TAFA1: variants seen among roughly 807,000 people sequenced by gnomAD.
The protein encoded by TAFA1 is chemokine-like protein TAFA-1.
A neutral mutation model predicts 18.5 loss-of-function variants in TAFA1; 4 were observed. The ratio of observed to expected loss-of-function variants is 0.22; its 90% CI spans 0.11 to 0.49. The LOEUF (loss-of-function observed/expected upper bound fraction) is 0.49. TAFA1 is among the 20% of genes least tolerant of loss of function. The pLI is 0.98. For missense variants in TAFA1, 147 were observed against 169.0 expected (o/e 0.87, Z 0.72); for synonymous variants, 56 against 55.2 (o/e 1.01, Z -0.06).
intron 3 of TAFA1, among the ~76,000 whole-genome samples, chr3:68,456,912 C>T (rs2071677375): frequency 6.6e-6 from 1 of 152,084 alleles, no homozygotes; most frequent in Non-Finnish European, 1.5e-5. Flanking sequence ...TCTCTGTTTC[C>T]TAGGAACACT....
intron 2 of TAFA1, among the ~76,000 whole-genome samples, chr3:68,226,690 C>A (rs2066805116): frequency 6.6e-6 from 1 of 152,142 alleles, no homozygotes; most frequent in South Asian, 2.1e-4. Flanking sequence ...TTAAGACTCT[C>A]AACCACCCTG....
intron 2 of TAFA1, among the ~76,000 whole-genome samples, chr3:68,374,693 G>A (rs2069774098): frequency 1.3e-5 from 2 of 152,080 alleles, no homozygotes; most frequent in Non-Finnish European, 2.9e-5. Flanking sequence ...TCAGCATCAT[G>A]GTAAGCATTC....
At chr3:68,427,733 T>C (rs1041076807) in intron 3 of TAFA1, among the ~76,000 whole-genome samples, 2 of 151,866 alleles carry the variant, frequency 1.3e-5, no homozygotes, top group Non-Finnish European at 2.9e-5. Flanking sequence ...CCAAATCTCA[T>C]CTTGAATTAT....
At chr3:68,333,409 C>A (rs2106735480) in intron 2 of TAFA1, among the ~76,000 whole-genome samples, 1 of 152,266 alleles carries the variant, frequency 6.6e-6, no homozygotes, top group African/African-American at 2.4e-5. Context: ...ATTACATGTT[C>A]TCATAAGTAG....
intron 2 of TAFA1, among the ~76,000 whole-genome samples, chr3:68,318,430 C>A (rs988584422): frequency 3.3e-5 from 5 of 152,174 alleles, no homozygotes; most frequent in African/African-American, 1.2e-4. Context: ...TTAATAGAAT[C>A]ATAGATCCTT....
intron 2 of TAFA1, among the ~76,000 whole-genome samples, chr3:68,058,021 T>C (rs1171622269): frequency 6.6e-6 from 1 of 152,140 alleles, no homozygotes; most frequent in Non-Finnish European, 1.5e-5. Flanking sequence ...AACCACTAAG[T>C]TCATGGTAGT....
chr3:68,342,192 C>T (rs183899170), intron 2 of TAFA1, among the ~76,000 whole-genome samples: 1 of 152,168 alleles, frequency 6.6e-6, no homozygotes, highest in Non-Finnish European at 1.5e-5. Context: ...ATACCCCTGT[C>T]CTCCAAAGCC....
At chr3:68,053,566 T>A (rs2064498353) in intron 2 of TAFA1, among the ~76,000 whole-genome samples, 1 of 152,176 alleles carries the variant, frequency 6.6e-6, no homozygotes, top group Non-Finnish European at 1.5e-5. Flanking sequence ...GGAATCTGCC[T>A]CTGCTCTTCA....
At chr3:68,457,945 G>A (rs992002904) in intron 3 of TAFA1, among the ~76,000 whole-genome samples, 1 of 152,090 alleles carries the variant, frequency 6.6e-6, no homozygotes, top group Non-Finnish European at 1.5e-5. Context: ...GAAATACTTT[G>A]AAATAGTTTA....
intron 2 of TAFA1, among the ~76,000 whole-genome samples, chr3:68,226,700 G>A (rs2066805311): frequency 6.6e-6 from 1 of 152,124 alleles, no homozygotes; most frequent in African/African-American, 2.4e-5. Context: ...CAACCACCCT[G>A]AGATGTAGGC....
chr3:68,536,646 C>T (rs2073282779), intron 3 of TAFA1, among the ~76,000 whole-genome samples: 1 of 152,150 alleles, frequency 6.6e-6, no homozygotes, highest in Non-Finnish European at 1.5e-5. Context: ...TCAATTAAGG[C>T]ATTAAGGGAA....
upstream of TAFA1, among the ~76,000 whole-genome samples, chr3:68,001,505 G>T (rs1704283222): frequency 6.6e-6 from 1 of 151,820 alleles, no homozygotes; most frequent in African/African-American, 2.4e-5. Flanking sequence ...CTTTCCAACT[G>T]TGTGCATTCC....
At chr3:68,059,162 C>T (rs1370339975) in intron 2 of TAFA1, among the ~76,000 whole-genome samples, 3 of 152,070 alleles carry the variant, frequency 2.0e-5, no homozygotes, top group Non-Finnish European at 4.4e-5. Flanking sequence ...AATTGGAGGA[C>T]TATGACTTAT....
At chr3:68,498,524 G>A (rs1165112972) in intron 3 of TAFA1, among the ~76,000 whole-genome samples, 1 of 152,064 alleles carries the variant, frequency 6.6e-6, no homozygotes, top group African/African-American at 2.4e-5. Context: ...TTAAAGCAGA[G>A]AAATTTATTA....
chr3:68,470,887 A>G (rs2071984090), intron 3 of TAFA1, among the ~76,000 whole-genome samples: 1 of 152,196 alleles, frequency 6.6e-6, no homozygotes, highest in South Asian at 2.1e-4. Flanking sequence ...GACAAAGGGG[A>G]AAATGTCTCC....
At chr3:68,273,526 G>A (rs1434028132) in intron 2 of TAFA1, among the ~76,000 whole-genome samples, 1 of 152,206 alleles carries the variant, frequency 6.6e-6, no homozygotes, top group Non-Finnish European at 1.5e-5. Flanking sequence ...GACAAGCTAA[G>A]CAGGTAAGAT....
chr3:68,130,643 T>C (rs1210708283), intron 2 of TAFA1, among the ~76,000 whole-genome samples: 1 of 152,192 alleles, frequency 6.6e-6, no homozygotes, highest in Non-Finnish European at 1.5e-5. Flanking sequence ...GTCTGGTTCT[T>C]TTCCACTTCT....
At chr3:68,046,760 G>C (rs913655214) in intron 2 of TAFA1, among the ~76,000 whole-genome samples, 1 of 152,156 alleles carries the variant, frequency 6.6e-6, no homozygotes, top group Non-Finnish European at 1.5e-5. Context: ...TAGACAGTCA[G>C]CTATTGATAG....
intron 2 of TAFA1, among the ~76,000 whole-genome samples, chr3:68,353,020 A>G (rs942287673): frequency 6.6e-6 from 1 of 152,082 alleles, no homozygotes; most frequent in Non-Finnish European, 1.5e-5. Context: ...TGCCAGGAAA[A>G]TGGCTTTTTT....
Sources: allele counts gnomAD v4.1 joint callset (sites outside exome capture counted in the v4.1 genomes callset), GRCh38; gene constraint gnomAD v4.1.1; transcripts MANE v1.5; gene names NCBI Gene and HGNC (gene_info 2026-07-23, HGNC 2026-07-21).